B4GALNT2: variants seen among roughly 807,000 people sequenced by gnomAD.
B4GALNT2 encodes the protein beta-1,4-N-acetyl-galactosaminyltransferase 2 (SID blood group).
Under a neutral mutation model 51.1 loss-of-function variants are expected in B4GALNT2, and 42 were observed. The observed-to-expected ratio is 0.82, with a 90% CI of 0.64 to 1.06. B4GALNT2 has a LOEUF of 1.06. B4GALNT2 is among the 50% of genes least tolerant of loss of function. The pLI, the probability that B4GALNT2 is intolerant of heterozygous loss-of-function variation, is 0.00. For missense variants in B4GALNT2, 602 were observed against 633.6 expected (o/e 0.95, Z 0.54); for synonymous variants, 253 against 251.7 (o/e 1.01, Z -0.05).
At chr17:49,168,971 G>A in intron 10 of B4GALNT2, 71 bp downstream of exon 10, 1 of 1,441,352 alleles carries the variant, frequency 6.9e-7, no homozygotes, top group Non-Finnish European at 9.4e-7. Context: ...TCTTTCCAAG[G>A]GCTGTACCCG....
At chr17:49,155,783 T>G (rs1427172595) in intron 4 of B4GALNT2, among the ~76,000 whole-genome samples, 1 of 151,558 alleles carries the variant, frequency 6.6e-6, no homozygotes, top group Non-Finnish European at 1.5e-5. Context: ...GAGTGCAGTG[T>G]CGAGATCTCG....
intron 3 of B4GALNT2, among the ~76,000 whole-genome samples, chr17:49,143,513 T>C (rs1389012760): frequency 6.6e-6 from 1 of 152,184 alleles, no homozygotes; most frequent in Non-Finnish European, 1.5e-5. Flanking sequence ...TGCAATGAAC[T>C]GTCCCCAGGT....
chr17:49,130,327 C>T (rs1465424772), upstream of B4GALNT2, among the ~76,000 whole-genome samples: 4 of 152,222 alleles, frequency 2.6e-5, no homozygotes, highest in African/African-American at 9.6e-5. Context: ...AACCCCAAGT[C>T]CCAGGAGTGC....
Position 49,169,895 on chromosome 17 carries a change from C to G in B4GALNT2, c.*167C>G, listed in dbSNP as rs28689968. 1.6e-6 allele frequency: 1 copy of G among 623,598 alleles called. No homozygotes were observed. The highest frequency in any genetic ancestry group is 2.9e-5 in the East Asian group (1 of 34,470). 38.6% of individuals were successfully genotyped at this position (623,598 alleles called of 1,614,324 possible). A position where few individuals can be genotyped will look rare whatever the true frequency, so the allele number is the denominator to read the frequency against. On this transcript the variant is annotated 3_prime_UTR_variant, in exon 11 of 11. Coordinates refer to ENST00000393354, the MANE Select transcript of B4GALNT2 (RefSeq NM_001159387.2). ...AGTACCAATCAAAGGTGAAGGGTCACTGGAAATGAACCAGTCACTGACCAG... is the reference window on the plus strand; with the variant it reads ...AGTACCAATCAAAGGTGAAGGGTCAGTGGAAATGAACCAGTCACTGACCAG...
At chr17:49,139,478 G>A (rs755129418) in intron 1 of B4GALNT2, among the ~76,000 whole-genome samples, 1 of 151,858 alleles carries the variant, frequency 6.6e-6, no homozygotes, top group African/African-American at 2.4e-5. Flanking sequence ...CGCCTGCCTC[G>A]GCCCCCCAAA....
chr17:49,163,843 G>T (rs1248925264), intron 7 of B4GALNT2, among the ~76,000 whole-genome samples: 1 of 151,222 alleles, frequency 6.6e-6, no homozygotes, highest in Non-Finnish European at 1.5e-5. Context: ...CATTCAGACA[G>T]ACAGTTGGGA....
chr17:49,140,544 T>C (rs17636326), intron 1 of B4GALNT2, among the ~76,000 whole-genome samples: 13,637 of 152,198 alleles, frequency 0.09, 807 homozygotes, highest in South Asian at 0.24. Context: ...GTATTTCTAA[T>C]CCTTCTTTCA....
At position 49,138,772 on chromosome 17, in the gene B4GALNT2, G is replaced by C. The variant is rs112955934; in HGVS notation, c.15-2475G>C. Among the ~76,000 whole-genome samples, 107 of 152,324 alleles carry C rather than the reference G, an allele frequency of 7.0e-4. 2 individuals are homozygous for C. Among genetic ancestry groups the C allele is most frequent in the African/African-American group, 2.5e-3 (102 of 41,578 alleles). ...GGCGCCTGTAATCCCAGCTATTCAG[G>C]AGGCTGAGGCAGGAGAATCATTTGA... On this transcript the variant is annotated intron_variant, in intron 1 of 10. Coordinates refer to ENST00000393354, the MANE Select transcript of B4GALNT2 (RefSeq NM_001159387.2).
At chr17:49,150,096 A>T (rs1273380706) in intron 3 of B4GALNT2, among the ~76,000 whole-genome samples, 1 of 151,892 alleles carries the variant, frequency 6.6e-6, no homozygotes, top group Non-Finnish European at 1.5e-5. Context: ...CCACCTGGCC[A>T]GCCGCCCCGT....
At chr17:49,124,161 T>C in the B4GALNT2 span, among the ~76,000 whole-genome samples, 1 of 152,240 alleles carries the variant, frequency 6.6e-6, no homozygotes, top group Non-Finnish European at 1.5e-5. Context: ...AGCAATATTT[T>C]CAGCAAAACG....
Position 49,166,087 on chromosome 17 carries a change from A to C in B4GALNT2, c.955-27A>C, listed in dbSNP as rs117396263. ...ATTCTAATATGTAATATGGGCAACC[A>C]CTCCTTTAACCTCATTTCATCTACA... On this transcript the variant is annotated intron_variant, in intron 8 of 10. Coordinates refer to ENST00000393354, the MANE Select transcript of B4GALNT2 (RefSeq NM_001159387.2). The C allele has an allele frequency of 7.3e-4, 1,178 of 1,606,772 alleles. 30 individuals are homozygous for C. In the East Asian group the frequency reaches 0.026, roughly 36 times the overall value.
chr17:49,133,235 G>A, intron 1 of B4GALNT2: 1 of 1,473,694 alleles, frequency 6.8e-7, no homozygotes, highest in Non-Finnish European at 8.9e-7. Flanking sequence ...TGAGTGCCCG[G>A]GCGCGGGGAC....
Position 49,171,370 on chromosome 17 carries a change from C to A in B4GALNT2, c.*1642C>A, listed in dbSNP as rs912487904. 9.2e-6 allele frequency: 4 copies of A among 433,262 alleles called. No homozygotes were observed. The highest frequency in any genetic ancestry group is 8.3e-5 in the African/African-American group (4 of 48,346). 26.8% of individuals were successfully genotyped at this position (433,262 alleles called of 1,614,324 possible). ...AATCTGTCTGCAGCTCCTTCAAGCA[C>A]TCCAGTTCCTGGCATTAAGGTCAAG... On this transcript the variant is annotated 3_prime_UTR_variant, in exon 11 of 11. Coordinates refer to ENST00000393354, the MANE Select transcript of B4GALNT2 (RefSeq NM_001159387.2).
chr17:49,153,350 G>A (rs962768552), intron 4 of B4GALNT2, among the ~76,000 whole-genome samples: 2 of 152,104 alleles, frequency 1.3e-5, no homozygotes, highest in Admixed American at 1.3e-4. Flanking sequence ...GGGAGGCCGA[G>A]GCTGCAGTGA....
upstream of B4GALNT2, among the ~76,000 whole-genome samples, chr17:49,127,906 T>C (rs996077968): frequency 3.9e-5 from 6 of 152,168 alleles, no homozygotes; most frequent in African/African-American, 1.4e-4. Flanking sequence ...GCACCAAGAA[T>C]GGCAAGACAG....
At chr17:49,140,951 G>A (rs368160389) in intron 1 of B4GALNT2, among the ~76,000 whole-genome samples, 10 of 151,736 alleles carry the variant, frequency 6.6e-5, no homozygotes, top group South Asian at 2.1e-4. Flanking sequence ...TTTCTTGACC[G>A]CGTGATCCGC....
chr17:49,158,026 A>G (rs1451762898), intron 5 of B4GALNT2, among the ~76,000 whole-genome samples: 1 of 152,160 alleles, frequency 6.6e-6, no homozygotes, highest in African/African-American at 2.4e-5. Context: ...TGGGGGTAGC[A>G]ATGGGGTGGA....
At chr17:49,159,757 C>T (rs1034063551) in intron 6 of B4GALNT2, among the ~76,000 whole-genome samples, 7 of 152,164 alleles carry the variant, frequency 4.6e-5, no homozygotes, top group Non-Finnish European at 8.8e-5. Flanking sequence ...TAGAGCCACT[C>T]GAGGAGAGAA....
At chr17:49,152,605 G>A (rs1213239987) in intron 3 of B4GALNT2, among the ~76,000 whole-genome samples, 195 bp from the exon 4 acceptor site, 2 of 152,260 alleles carry the variant, frequency 1.3e-5, no homozygotes, top group Non-Finnish European at 2.9e-5. Context: ...GAGCCCGGGA[G>A]GCGGAGCTTG....
Sources: allele counts gnomAD v4.1 joint callset (sites outside exome capture counted in the v4.1 genomes callset), GRCh38; gene constraint gnomAD v4.1.1; transcripts MANE v1.5; gene names NCBI Gene and HGNC (gene_info 2026-07-23, HGNC 2026-07-21).